The following CYP19A1 variants were observed in gnomAD, a reference collection of about 807,000 sequenced individuals.
The protein encoded by CYP19A1 is aromatase.
In CYP19A1, 32 loss-of-function variants were observed where a neutral mutation model predicts 44.4. The ratio of observed to expected loss-of-function variants is 0.72; its 90% confidence interval spans 0.54 to 0.97. The LOEUF (loss-of-function observed/expected upper bound fraction) is 0.97, where lower values mean the gene tolerates loss of function less well. Ranked by LOEUF, CYP19A1 falls within the 50% of genes least tolerant of loss-of-function variation. The probability of loss-of-function intolerance (pLI) is 0.00; values close to 1 mark genes in which losing one functional copy is unlikely to be tolerated. For missense variants in CYP19A1, 598 were observed against 637.8 expected, an observed-to-expected ratio of 0.94 and a Z score of 0.67; for synonymous variants, 212 against 215.6, an observed-to-expected ratio of 0.98 and a Z score of 0.14.
At chr15:51,225,974 A>T (rs997792780) in intron 4 of CYP19A1, among the ~76,000 whole-genome samples, 7 of 150,418 alleles carry the variant, frequency 4.7e-5, no homozygotes, top group African/African-American at 1.7e-4. Flanking sequence ...CTGTAGTCCC[A>T]GCTACTCAGG....
rs192541857 is a variant in CYP19A1 at position 51,308,845 on chromosome 15, G to C, written c.-39+29650C>G. ...TATCACACAGGCCTGCTGGATTGCT[G>C]TAAGGGTGGTAAAATAACTCATGCA... On this transcript the variant is annotated intron_variant, in intron 1 of 9. Transcript: ENST00000396402. 2.5e-3 allele frequency among the ~76,000 whole-genome samples: 385 copies of C among 152,272 alleles called. 7 individuals are homozygous for C. Among genetic ancestry groups the C allele is most frequent in the Non-Finnish European group, 2.5e-4 (17 of 68,010 alleles).
intron 3 of CYP19A1, among the ~76,000 whole-genome samples, chr15:51,228,202 T>C (rs1307736918): frequency 6.6e-6 from 1 of 152,154 alleles, no homozygotes; most frequent in Non-Finnish European, 1.5e-5. Flanking sequence ...CTTACTTCTC[T>C]TTCTTCTCTA....
intron 3 of CYP19A1, among the ~76,000 whole-genome samples, chr15:51,233,516 C>A (rs1194505426): frequency 6.6e-6 from 1 of 152,046 alleles, no homozygotes; most frequent in Non-Finnish European, 1.5e-5. Flanking sequence ...GGATGAAGAG[C>A]CAATAATGAC....
At chr15:51,295,066 T>A (rs1367189777) in intron 1 of CYP19A1, among the ~76,000 whole-genome samples, 3 of 150,888 alleles carry the variant, frequency 2.0e-5, no homozygotes, top group Non-Finnish European at 4.4e-5. Context: ...ACTTGTTCAT[T>A]ACAAAGATCT....
chr15:51,223,383 A>G (rs2141065193), intron 4 of CYP19A1, among the ~76,000 whole-genome samples: 1 of 152,148 alleles, frequency 6.6e-6, no homozygotes, highest in South Asian at 2.1e-4. Flanking sequence ...GGAGGGTTTA[A>G]CCCTTAAAGT....
At position 51,209,443 on chromosome 15, in the gene CYP19A1, T is replaced by TAGGATGAAAAGAACA. The variant is rs2030715172; in HGVS notation, c.*1364_*1365insTGTTCTTTTCATCCT. ...CAGTAGGATGAAAAGAACAGTCAAA[T>TAGGATGAAAAGAACA]GGGATGGCAATGGATTCAATGACAA... On this transcript the variant is annotated 3_prime_UTR_variant, in exon 10 of 10. Transcript: ENST00000396402. 6.6e-6 allele frequency: 1 copy of TAGGATGAAAAGAACA among 152,222 alleles called. No individual in the cohort carries two copies. Among genetic ancestry groups the TAGGATGAAAAGAACA allele is most frequent in the Non-Finnish European group, 1.5e-5 (1 of 68,032 alleles). The allele number at this position is 152,222 out of a possible 1,614,324, so 9.4% of individuals were successfully genotyped here. A position where few individuals can be genotyped will look rare whatever the true frequency, so the allele number is the denominator to read the frequency against.
intron 1 of CYP19A1, among the ~76,000 whole-genome samples, chr15:51,332,432 G>C (rs1246537656): frequency 1.3e-5 from 2 of 152,044 alleles, no homozygotes; most frequent in Non-Finnish European, 2.9e-5. Context: ...CCAGGCTATT[G>C]TTAACATTTC....
chr15:51,212,782 G>A (rs1450525435), intron 8 of CYP19A1, among the ~76,000 whole-genome samples: 1 of 152,150 alleles, frequency 6.6e-6, no homozygotes, highest in Non-Finnish European at 1.5e-5. Context: ...TTAAAAACTG[G>A]TGGAGTTTAT....
chr15:51,223,792 T>A (rs1454659565), intron 4 of CYP19A1, among the ~76,000 whole-genome samples: 1 of 152,124 alleles, frequency 6.6e-6, no homozygotes, highest in Non-Finnish European at 1.5e-5. Context: ...ACTTGGCAGA[T>A]ATGAAAGGCC....
intron 1 of CYP19A1, among the ~76,000 whole-genome samples, chr15:51,331,050 G>A (rs533872553): frequency 6.6e-6 from 1 of 152,144 alleles, no homozygotes; most frequent in East Asian, 1.9e-4. Flanking sequence ...AGGTTGTTTT[G>A]GAGTTGTAAG....
At chr15:51,331,007 A>G (rs1465329400) in intron 1 of CYP19A1, among the ~76,000 whole-genome samples, 4 of 152,200 alleles carry the variant, frequency 2.6e-5, no homozygotes, top group Non-Finnish European at 5.9e-5. Context: ...GTATAGCCAC[A>G]TTAAAGATGG....
intron 1 of CYP19A1, among the ~76,000 whole-genome samples, chr15:51,295,208 T>G (rs980289955): frequency 6.6e-6 from 1 of 151,734 alleles, no homozygotes; most frequent in African/African-American, 2.4e-5. Flanking sequence ...TGTGAAGCAC[T>G]GCTGAAGGCT....
At chr15:51,230,590 G>A (rs1350577896) in intron 3 of CYP19A1, among the ~76,000 whole-genome samples, 2 of 151,630 alleles carry the variant, frequency 1.3e-5, no homozygotes, top group Non-Finnish European at 2.9e-5. Context: ...GTGATGAGGA[G>A]GCAATTAATG....
intron 1 of CYP19A1, among the ~76,000 whole-genome samples, chr15:51,295,495 C>A (rs1386486431): frequency 6.6e-6 from 1 of 152,182 alleles, no homozygotes; most frequent in African/African-American, 2.4e-5. Context: ...CCTGCAAAGT[C>A]AGAGACTGTG....
intron 1 of CYP19A1, among the ~76,000 whole-genome samples, chr15:51,258,449 T>C (rs1009889600): frequency 1.3e-5 from 2 of 152,244 alleles, no homozygotes; most frequent in Non-Finnish European, 2.9e-5. Context: ...GCCCAAGTGC[T>C]TGTTTAATTT....
intron 1 of CYP19A1, among the ~76,000 whole-genome samples, chr15:51,316,393 C>T (rs924122514): frequency 6.6e-6 from 1 of 152,110 alleles, no homozygotes; most frequent in African/African-American, 2.4e-5. Context: ...GGGCTGTTTT[C>T]AACCTAAAAG....
intron 1 of CYP19A1, among the ~76,000 whole-genome samples, chr15:51,321,293 C>A (rs1486112343): frequency 3.3e-5 from 5 of 152,178 alleles, no homozygotes; most frequent in Non-Finnish European, 7.4e-5. Context: ...TCCCCATCCA[C>A]CCACCATGCC....
chr15:51,241,538 TC>T (rs1488996165), intron 2 of CYP19A1, among the ~76,000 whole-genome samples: 6 of 152,018 alleles, frequency 3.9e-5, no homozygotes, highest in Non-Finnish European at 8.8e-5. Flanking sequence ...AAAAAAAGGC[TC>T]TCCACCCCCA....
intron 1 of CYP19A1, among the ~76,000 whole-genome samples, chr15:51,300,543 A>C (rs2036091124): frequency 6.6e-6 from 1 of 152,156 alleles, no homozygotes; most frequent in Non-Finnish European, 1.5e-5. Context: ...CAAGGCAGAG[A>C]GTTTCAAAAA....
Sources: allele counts gnomAD v4.1 joint callset (sites outside exome capture counted in the v4.1 genomes callset), GRCh38; gene constraint gnomAD v4.1.1; transcripts MANE v1.5; gene names NCBI Gene and HGNC (gene_info 2026-07-23, HGNC 2026-07-21).